Variants in ARB2A observed in about 807,000 individuals in gnomAD.
ARB2A encodes ARB2 cotranscriptional regulator A.
chr5:94,097,818 A>G, the ARB2A span, among the ~76,000 whole-genome samples: 1 of 146,912 alleles, frequency 6.8e-6, no homozygotes, highest in African/African-American at 2.5e-5. Flanking sequence ...ACCTCCCTCC[A>G]CTGCTTTGAC....
At chr5:94,002,087 T>C in the ARB2A span, among the ~76,000 whole-genome samples, 5 of 152,090 alleles carry the variant, frequency 3.3e-5, no homozygotes, top group Admixed American at 6.6e-5. Flanking sequence ...GAGTTGAGTA[T>C]TTCCCTTCTT....
the ARB2A span, among the ~76,000 whole-genome samples, chr5:93,654,559 C>G: frequency 2.6e-5 from 4 of 152,058 alleles, no homozygotes; most frequent in Admixed American, 2.6e-4. Context: ...TAATGATATT[C>G]CCCCATTCCT....
chr5:93,980,726 G>GT, the ARB2A span, among the ~76,000 whole-genome samples: 3 of 152,002 alleles, frequency 2.0e-5, no homozygotes, highest in African/African-American at 7.2e-5. Flanking sequence ...TTCTATTTAA[G>GT]TAGGCTGTTG....
chr5:93,658,724 G>T, the ARB2A span, among the ~76,000 whole-genome samples: 2 of 152,066 alleles, frequency 1.3e-5, no homozygotes, highest in Non-Finnish European at 2.9e-5. Context: ...AAGTGAGAAA[G>T]ATATTGTCAG....
At chr5:93,902,795 C>T in the ARB2A span, among the ~76,000 whole-genome samples, 1 of 152,064 alleles carries the variant, frequency 6.6e-6, no homozygotes, top group Admixed American at 6.6e-5. Context: ...AATCTGGTGT[C>T]CACCCAAGCT....
the ARB2A span, chr5:93,683,170 A>C: frequency 7.7e-7 from 1 of 1,298,132 alleles, no homozygotes; most frequent in Non-Finnish European, 1.1e-6. Flanking sequence ...CAGCTTCCTC[A>C]TCATCAAAAT....
At chr5:94,007,462 T>C in the ARB2A span, among the ~76,000 whole-genome samples, 1 of 152,126 alleles carries the variant, frequency 6.6e-6, no homozygotes, top group Admixed American at 6.5e-5. Flanking sequence ...TAACATACTA[T>C]TGTTCAAAGA....
At chr5:93,804,848 A>T in the ARB2A span, 29 of 754,880 alleles carry the variant, frequency 3.8e-5, no homozygotes, top group Non-Finnish European at 4.7e-5. Context: ...ATTTTGAAAA[A>T]TTTGAAATTT....
the ARB2A span, among the ~76,000 whole-genome samples, chr5:93,687,977 T>A: frequency 1.1e-5 from 1 of 94,812 alleles, no homozygotes; most frequent in Non-Finnish European, 2.2e-5. Flanking sequence ...TTTCTATTCT[T>A]TTTTTTTTTT....
chr5:93,921,906 G>A, the ARB2A span, among the ~76,000 whole-genome samples: 4 of 151,936 alleles, frequency 2.6e-5, no homozygotes, highest in African/African-American at 9.7e-5. Context: ...CTTTGTTATC[G>A]GACAATATCC....
the ARB2A span, among the ~76,000 whole-genome samples, chr5:93,649,371 AAAG>A: frequency 6.6e-6 from 1 of 152,128 alleles, no homozygotes; most frequent in Non-Finnish European, 1.5e-5. Flanking sequence ...TAAACCCTTC[AAAG>A]AAGAGCTCTG....
the ARB2A span, among the ~76,000 whole-genome samples, chr5:93,653,411 T>A: frequency 6.8e-6 from 1 of 146,664 alleles, no homozygotes; most frequent in Non-Finnish European, 1.5e-5. Flanking sequence ...ACTTGGGAGG[T>A]TGAGGCAGGA....
At chr5:93,894,833 C>A in the ARB2A span, among the ~76,000 whole-genome samples, 2 of 152,120 alleles carry the variant, frequency 1.3e-5, no homozygotes, top group Non-Finnish European at 2.9e-5. Flanking sequence ...AAATGAAGAT[C>A]TTGTCAAATA....
At chr5:93,626,743 G>A in the ARB2A span, among the ~76,000 whole-genome samples, 1 of 152,150 alleles carries the variant, frequency 6.6e-6, no homozygotes, top group Admixed American at 6.5e-5. Context: ...TATTTTGCTG[G>A]TGGAGGGTCT....
the ARB2A span, among the ~76,000 whole-genome samples, chr5:93,644,929 G>A: frequency 6.6e-6 from 1 of 152,154 alleles, no homozygotes; most frequent in Admixed American, 6.5e-5. Context: ...GCTTGAGTGT[G>A]ATATGATGAG....
At chr5:93,757,497 T>C in the ARB2A span, among the ~76,000 whole-genome samples, 1 of 152,096 alleles carries the variant, frequency 6.6e-6, no homozygotes, top group African/African-American at 2.4e-5. Context: ...AGGTAACCTA[T>C]AAAGAAAAAC....
chr5:93,772,749 C>T, the ARB2A span, among the ~76,000 whole-genome samples: 3 of 152,190 alleles, frequency 2.0e-5, no homozygotes, highest in Non-Finnish European at 4.4e-5. Context: ...CTCAGGTCCT[C>T]CCTGGCTTTT....
At chr5:94,108,157 T>C in the ARB2A span, among the ~76,000 whole-genome samples, 1 of 152,172 alleles carries the variant, frequency 6.6e-6, no homozygotes, top group African/African-American at 2.4e-5. Flanking sequence ...ACGTCTTTTC[T>C]GTTTCTTCAT....
chr5:94,097,051 G>A, the ARB2A span, among the ~76,000 whole-genome samples: 1 of 152,180 alleles, frequency 6.6e-6, no homozygotes, highest in African/African-American at 2.4e-5. Context: ...CCTGTGCAGA[G>A]CCCAGAGGCT....
Sources: allele counts gnomAD v4.1 joint callset (sites outside exome capture counted in the v4.1 genomes callset), GRCh38; gene constraint gnomAD v4.1.1; transcripts MANE v1.5; gene names NCBI Gene and HGNC (gene_info 2026-07-23, HGNC 2026-07-21).